The following RTL5 variants were observed in gnomAD, a reference collection of about 807,000 sequenced individuals.
RTL5 encodes retrotransposon Gag-like protein 5.
A neutral mutation model predicts 7.7 loss-of-function variants in RTL5; 8 were observed. The observed-to-expected ratio is 1.04, with a 90% CI of 0.61 to 1.88. The LOEUF (loss-of-function observed/expected upper bound fraction) is 1.88. Ranked by LOEUF, RTL5 falls within the 40% of genes most tolerant of loss-of-function variation. RTL5 has a pLI of 0.00. For missense variants in RTL5, 457 were observed against 472.7 expected, an observed-to-expected ratio of 0.97 and a Z score of 0.31; for synonymous variants, 188 against 191.8, an observed-to-expected ratio of 0.98 and a Z score of 0.16.
At chrX:72,131,751 T>G in exon 1 of RTL5, 1 of 268,578 alleles carries the variant, frequency 3.7e-6, no homozygotes, top group Non-Finnish European at 6.4e-6. Flanking sequence ...CAGGGCGCGT[T>G]ACCTCGTCGC....
chrX:72,129,756 C>A, exon 1 of RTL5: 2 of 986,285 alleles, frequency 2.0e-6, no homozygotes, highest in African/African-American at 1.9e-5. Context: ...GCAAATGGGG[C>A]AGGTATGGCA....
chrX:72,131,550 C>T (rs1255090019), exon 1 of RTL5: 14 of 1,161,021 alleles, frequency 1.2e-5, no homozygotes, highest in Non-Finnish European at 1.6e-5. Context: ...TCTCGACAAG[C>T]CCAGGGGCCC....
exon 1 of RTL5, chrX:72,130,738 T>C: frequency 8.3e-7 from 1 of 1,211,768 alleles, no homozygotes; most frequent in African/African-American, 1.7e-5. Context: ...GCGGCAGTCA[T>C]CCCAAGACAA....
exon 1 of RTL5, chrX:72,130,571 T>C: frequency 8.3e-7 from 1 of 1,211,544 alleles, no homozygotes; most frequent in Non-Finnish European, 1.1e-6. Context: ...AAGATGATAT[T>C]TCGAACTCCA....
chrX:72,129,208 T>C (rs1199983029), exon 1 of RTL5: 3 of 113,508 alleles, frequency 2.6e-5, no homozygotes, highest in African/African-American at 9.6e-5. Flanking sequence ...CCATTTGACA[T>C]GTGGCTTTGC....
At chrX:72,131,693 G>A (rs2042302858) in exon 1 of RTL5, 2 of 484,430 alleles carry the variant, frequency 4.1e-6, no homozygotes, top group South Asian at 7.6e-5. Flanking sequence ...ACCCACCGGG[G>A]CGAGCTCGGA....
Position 72,130,178 on chromosome X carries a change from G to A in RTL5, c.1363C>T (p.Pro455Ser), listed in dbSNP as rs1354735158. 5 of 1,210,468 alleles carry A rather than the reference G, an allele frequency of 4.1e-6. No homozygotes were observed. The Admixed American group carries it at 1.1e-4, about 26-fold the overall frequency. The change falls in exon 1 of 1, where the codon CCA becomes TCA. Residue 455 changes from proline (P) to serine (S), a missense_variant. Transcript: ENST00000609883. The stretch of plus-strand genomic sequence containing the variant: ...TCATCATCTTGGGCCTCATCCAGTG[G>A]CTCCTCCTCCACCTCACCATAGGTC...
In RTL5 at chrX:72,130,936, C is replaced by CA. The variant is rs1330368906; in HGVS notation, c.604dup (p.Trp202LeufsTer22). 7 of 1,210,144 alleles carry CA rather than the reference C, an allele frequency of 5.8e-6. No homozygotes were observed. The highest frequency in any genetic ancestry group is 2.2e-5 in the Admixed American group (1 of 45,843). ...TCCTTCCTGGGTGACCGAGATGGCCCAGTCCTTGGCTTCGCCAGTGAAAAA... is the reference window on the plus strand; with the variant it reads ...TCCTTCCTGGGTGACCGAGATGGCCCAAGTCCTTGGCTTCGCCAGTGAAAAA... On this transcript the variant is annotated frameshift_variant, in exon 1 of 1. Transcript: ENST00000609883. LOFTEE classifies it low-confidence loss of function (END_TRUNC).
At position 72,131,573 on chromosome X, in the gene RTL5, G is replaced by A. The variant is rs1378487295; in HGVS notation, c.-33C>T. 3.5e-6 allele frequency: 4 copies of A among 1,140,589 alleles called. No individual in the cohort carries two copies. The Admixed American group carries it at 8.5e-5, about 24-fold the overall frequency. 94.0% of individuals were successfully genotyped at this position (1,140,589 alleles called of 1,213,427 possible). The stretch of plus-strand genomic sequence containing the variant: ...AGCCCAGGGGCCCTGGGGCTCCGTG[G>A]TGGGGAAAGGGGAACTGGAACTACG... On this transcript the variant is annotated 5_prime_UTR_variant, in exon 1 of 1. Transcript: ENST00000609883.
chrX:72,131,090 G>A (rs751439961), exon 1 of RTL5: 2 of 1,209,084 alleles, frequency 1.7e-6, no homozygotes, highest in Non-Finnish European at 2.2e-6. Flanking sequence ...TCTATCTCAG[G>A]CCGCTCCAGC....
exon 1 of RTL5, chrX:72,131,331 C>A (rs907512902): frequency 8.3e-7 from 1 of 1,200,140 alleles, no homozygotes; most frequent in African/African-American, 1.8e-5. Context: ...TGAGCGCGAA[C>A]TCCAAGTTCT....
exon 1 of RTL5, chrX:72,131,106 C>T (rs2042290855): frequency 8.3e-7 from 1 of 1,204,117 alleles, no homozygotes; most frequent in Non-Finnish European, 1.1e-6. Context: ...CCAGCGGTGC[C>T]AGAGGGGGTT....
rs746312100 is a variant in RTL5 at position 72,130,844 on chromosome X, G to A, written c.697C>T (p.Pro233Ser). Reference sequence around the variant, plus strand: ...ATGGCCTTTTTAGCCACACGTGGGGGGATGGGGCCACAGAATTCCTTACGG... The same window carrying A: ...ATGGCCTTTTTAGCCACACGTGGGGAGATGGGGCCACAGAATTCCTTACGG... The change falls in exon 1 of 1, where the codon CCC becomes TCC. Residue 233 changes from proline (P) to serine (S), a missense_variant. By Grantham distance (74) the Pro-to-Ser change is moderately conservative. Coordinates refer to ENST00000609883, the Ensembl canonical transcript of RTL5. The A allele has an allele frequency of 3.3e-6, 4 of 1,211,853 alleles. No homozygotes were observed. The South Asian group carries it at 7.0e-5, about 21-fold the overall frequency.
exon 1 of RTL5, chrX:72,130,030 C>G: frequency 1.7e-6 from 2 of 1,211,245 alleles, no homozygotes; most frequent in Non-Finnish European, 2.2e-6. Context: ...CCTCCGTCTG[C>G]TAGGCTGTAT....
upstream of RTL5, chrX:72,131,912 C>G (rs1290333063): frequency 8.4e-6 from 4 of 476,550 alleles, no homozygotes; most frequent in Non-Finnish European, 1.4e-5. Context: ...CAGGATCTGT[C>G]GAGGAAAAAT....
exon 1 of RTL5, chrX:72,129,876 C>G (rs748535162): frequency 8.3e-7 from 1 of 1,203,835 alleles, no homozygotes; most frequent in Non-Finnish European, 1.1e-6. Flanking sequence ...CCCCCTGTCT[C>G]GGAGTGAGGC....
At chrX:72,130,070 C>T (rs370818026) in exon 1 of RTL5, 4 of 1,211,126 alleles carry the variant, frequency 3.3e-6, no homozygotes, top group Admixed American at 4.3e-5. Context: ...AGGAAGTTTT[C>T]GGCGTGGTAA....
exon 1 of RTL5, chrX:72,128,053 T>C (rs1246043000): frequency 8.9e-6 from 1 of 112,422 alleles, no homozygotes; most frequent in East Asian, 2.8e-4. Context: ...TGTATTACTT[T>C]TCTCTTTGGA....
upstream of RTL5, chrX:72,131,896 C>G: frequency 2.4e-6 from 1 of 422,615 alleles, no homozygotes; most frequent in Non-Finnish European, 4.0e-6. Flanking sequence ...AGGGAGCGGA[C>G]TGCGGCAGGA....
Sources: allele counts gnomAD v4.1 joint callset, GRCh38; gene constraint gnomAD v4.1.1; transcripts MANE v1.5; gene names NCBI Gene and HGNC (gene_info 2026-07-23, HGNC 2026-07-21).